Variants in OSBPL8 observed in about 807,000 individuals in gnomAD.
The protein encoded by OSBPL8 is oxysterol binding protein like 8.
In OSBPL8, 59 loss-of-function variants were observed where a neutral mutation model predicts 125.5. That is an observed-to-expected ratio of 0.47 (90% CI 0.38 to 0.58). The LOEUF is 0.58. Among genes scored for constraint, OSBPL8 ranks in the 20% least tolerant of loss-of-function variants. The pLI, the probability that OSBPL8 is intolerant of heterozygous loss-of-function variation, is 0.00. For missense variants in OSBPL8, 758 were observed against 1,047.8 expected (o/e 0.72, Z 3.82); for synonymous variants, 330 against 338.9 (o/e 0.97, Z 0.29).
chr12:76,393,703 TCC>T (rs1953664361), intron 9 of OSBPL8, among the ~76,000 whole-genome samples: 1 of 51,892 alleles, frequency 1.9e-5, no homozygotes. Flanking sequence ...AGAGTGAGAC[TCC>T]GTTTCAAAAA....
At chr12:76,540,487 C>CGTGTGTGTGTGTGT (rs59101769) in intron 1 of OSBPL8, among the ~76,000 whole-genome samples, 9 of 141,658 alleles carry the variant, frequency 6.4e-5, no homozygotes, top group Non-Finnish European at 9.2e-5. Context: ...ATTATATAGT[C>CGTGTGTGTGTGTGT]GTGTGTGTGT....
At chr12:76,522,841 T>C (rs1479215134) in intron 1 of OSBPL8, among the ~76,000 whole-genome samples, 1 of 152,202 alleles carries the variant, frequency 6.6e-6, no homozygotes, top group African/African-American at 2.4e-5. Context: ...TACTAAAATA[T>C]AGTAAATTCC....
chr12:76,540,192 G>A (rs1398123581), intron 1 of OSBPL8, among the ~76,000 whole-genome samples: 1 of 152,026 alleles, frequency 6.6e-6, no homozygotes, highest in Non-Finnish European at 1.5e-5. Context: ...TTCCTTAACA[G>A]CATTCTAGAG....
chr12:76,509,071 G>C (rs1880717694), intron 1 of OSBPL8, among the ~76,000 whole-genome samples: 1 of 152,114 alleles, frequency 6.6e-6, no homozygotes, highest in African/African-American at 2.4e-5. Flanking sequence ...TCTGGATCAG[G>C]ACCCCTTTCC....
intron 3 of OSBPL8, among the ~76,000 whole-genome samples, chr12:76,453,090 T>C (rs902777002): frequency 5.9e-5 from 9 of 152,126 alleles, no homozygotes; most frequent in Non-Finnish European, 1.3e-4. Flanking sequence ...CTCCTATCAT[T>C]ATCTGAAAAA....
At chr12:76,409,051 T>A (rs1339439981) in intron 5 of OSBPL8, among the ~76,000 whole-genome samples, 6 of 152,106 alleles carry the variant, frequency 3.9e-5, no homozygotes, top group African/African-American at 1.4e-4. Context: ...AGACCTAAGA[T>A]AAATTATTTC....
chr12:76,542,944 A>C (rs1236885093), intron 1 of OSBPL8, among the ~76,000 whole-genome samples: 1 of 152,214 alleles, frequency 6.6e-6, no homozygotes, highest in Non-Finnish European at 1.5e-5. Flanking sequence ...AAAATCTTTA[A>C]ACAAGATGTT....
intron 12 of OSBPL8, among the ~76,000 whole-genome samples, chr12:76,389,058 G>C (rs924971796): frequency 6.6e-6 from 1 of 152,100 alleles, no homozygotes; most frequent in Non-Finnish European, 1.5e-5. Context: ...AAAGTTTACT[G>C]GTTTTCCAAG....
intron 1 of OSBPL8, among the ~76,000 whole-genome samples, chr12:76,521,990 A>AT (rs956415462): frequency 2.6e-5 from 4 of 152,136 alleles, no homozygotes. Flanking sequence ...AAAAAAGTAA[A>AT]TTTTTTGTCT....
intron 1 of OSBPL8, among the ~76,000 whole-genome samples, chr12:76,501,324 G>C (rs1879880869): frequency 6.6e-6 from 1 of 151,998 alleles, no homozygotes; most frequent in Non-Finnish European, 1.5e-5. Flanking sequence ...GCAAACTATA[G>C]CACACAATGT....
chr12:76,460,417 G>T (rs1372109043), intron 2 of OSBPL8, among the ~76,000 whole-genome samples: 1 of 151,134 alleles, frequency 6.6e-6, no homozygotes, highest in Non-Finnish European at 1.5e-5. Context: ...TTTATTGAGT[G>T]CTTGTTACAT....
intron 22 of OSBPL8, among the ~76,000 whole-genome samples, chr12:76,358,418 G>C (rs538731500): frequency 6.6e-6 from 1 of 152,016 alleles, no homozygotes; most frequent in Non-Finnish European, 1.5e-5. Flanking sequence ...TTGGCCTCAA[G>C]TGATCTGCCC....
intron 1 of OSBPL8, among the ~76,000 whole-genome samples, chr12:76,506,566 T>C (rs544597370): frequency 5.5e-4 from 84 of 152,124 alleles, no homozygotes; most frequent in Non-Finnish European, 1.1e-3. Context: ...AGAATTACTC[T>C]ATATATCTAT....
intron 1 of OSBPL8, among the ~76,000 whole-genome samples, chr12:76,507,921 A>G (rs1320982696): frequency 2.6e-5 from 4 of 151,768 alleles, no homozygotes; most frequent in Non-Finnish European, 2.9e-5. Flanking sequence ...CTGAAATCCC[A>G]GCACTTTGGG....
intron 6 of OSBPL8, 46 bp downstream of exon 6, chr12:76,402,643 G>A (rs1372712508): frequency 7.3e-7 from 1 of 1,374,054 alleles, no homozygotes; most frequent in Non-Finnish European, 1.0e-6. Flanking sequence ...AAACACACAT[G>A]CAAAGCACAA....
Position 76,394,625 on chromosome 12 carries a change from C to T in OSBPL8, c.757+20G>A. 2 of 1,586,264 alleles carry T rather than the reference C, an allele frequency of 1.3e-6. No homozygotes were observed. Among genetic ancestry groups the T allele is most frequent in the South Asian group, 2.3e-5 (2 of 88,320 alleles). On this transcript the variant is annotated intron_variant, in intron 9 of 23. Transcript: ENST00000261183. Reference sequence around the variant, plus strand: ...TTAAAAATGAAGACCAAAATCCAATCCATCAAAAACTATACTTACCATCTG... The same window carrying T: ...TTAAAAATGAAGACCAAAATCCAATTCATCAAAAACTATACTTACCATCTG...
chr12:76,451,332 C>T (rs988552370), intron 3 of OSBPL8, among the ~76,000 whole-genome samples: 3 of 144,002 alleles, frequency 2.1e-5, no homozygotes, highest in Non-Finnish European at 4.7e-5. Flanking sequence ...CAAAGCCAGT[C>T]ATTTCCCAAA....
At chr12:76,538,630 T>C (rs1002596219) in intron 1 of OSBPL8, among the ~76,000 whole-genome samples, 1 of 152,134 alleles carries the variant, frequency 6.6e-6, no homozygotes, top group Non-Finnish European at 1.5e-5. Context: ...GGTAAGAAAT[T>C]TGTCTATGGG....
intron 21 of OSBPL8, among the ~76,000 whole-genome samples, chr12:76,360,559 T>C (rs1052057294): frequency 2.0e-5 from 3 of 152,186 alleles, no homozygotes; most frequent in African/African-American, 4.8e-5. Flanking sequence ...AGTGCCCCAG[T>C]AGGGACTCTG....
Sources: allele counts gnomAD v4.1 joint callset (sites outside exome capture counted in the v4.1 genomes callset), GRCh38; gene constraint gnomAD v4.1.1; transcripts MANE v1.5; gene names NCBI Gene and HGNC (gene_info 2026-07-23, HGNC 2026-07-21).